Variants in GTF2B observed in about 807,000 individuals in gnomAD.
The protein encoded by GTF2B is transcription initiation factor IIB.
In GTF2B, 20 loss-of-function variants were observed where a neutral mutation model predicts 34.6. That is an observed-to-expected ratio of 0.58 (90% CI 0.41 to 0.84). The LOEUF (loss-of-function observed/expected upper bound fraction) is 0.84, where lower values mean the gene tolerates loss of function less well. GTF2B is among the 40% of genes least tolerant of loss of function. GTF2B has a pLI of 0.00. For missense variants in GTF2B, 237 were observed against 393.3 expected, an observed-to-expected ratio of 0.60 and a Z score of 3.36; for synonymous variants, 142 against 132.4, an observed-to-expected ratio of 1.07 and a Z score of -0.50.
chr1:88,879,915 G>A (rs1031368523), intron 2 of GTF2B, among the ~76,000 whole-genome samples: 4 of 151,852 alleles, frequency 2.6e-5, no homozygotes, highest in East Asian at 1.9e-4. Context: ...AAAATTAGCC[G>A]GGCGGGGTGG....
intron 5 of GTF2B, among the ~76,000 whole-genome samples, chr1:88,859,293 GC>G (rs1385982014): frequency 1.3e-5 from 2 of 152,214 alleles, no homozygotes; most frequent in East Asian, 3.9e-4. Flanking sequence ...CCTTCTGAAA[GC>G]CCACAAAGCA....
intron 5 of GTF2B, chr1:88,858,707 CTT>C: frequency 6.6e-6 from 1 of 152,146 alleles, no homozygotes; most frequent in East Asian, 1.9e-4. Context: ...TAAGTATAGT[CTT>C]CAGCTAAACT....
chr1:88,881,732 T>C (rs541043004), intron 2 of GTF2B, among the ~76,000 whole-genome samples: 2 of 151,804 alleles, frequency 1.3e-5, no homozygotes, highest in South Asian at 2.1e-4. Context: ...AATACTGTCA[T>C]ATATTATAGA....
chr1:88,856,223 G>GTGCCAC (rs994355582), intron 6 of GTF2B, among the ~76,000 whole-genome samples: 3 of 129,642 alleles, frequency 2.3e-5, no homozygotes, highest in African/African-American at 8.3e-5. Flanking sequence ...AGCTGAGATT[G>GTGCCAC]TGCCACTGTA....
At chr1:88,875,660 C>A (rs548262959) in intron 2 of GTF2B, among the ~76,000 whole-genome samples, 1 of 152,216 alleles carries the variant, frequency 6.6e-6, no homozygotes, top group East Asian at 1.9e-4. Flanking sequence ...ATGCTTCACT[C>A]GAAATTCAAC....
At chr1:88,882,281 G>C (rs2100978563) in intron 2 of GTF2B, among the ~76,000 whole-genome samples, 1 of 128,132 alleles carries the variant, frequency 7.8e-6, no homozygotes, top group East Asian at 2.5e-4. Flanking sequence ...CTGCACTCCA[G>C]CCTGGGGGAC....
intron 2 of GTF2B, among the ~76,000 whole-genome samples, chr1:88,868,583 G>A (rs1200103056): frequency 6.6e-6 from 1 of 152,174 alleles, no homozygotes; most frequent in Non-Finnish European, 1.5e-5. Context: ...ATATTCTGAA[G>A]AGAATACGAA....
intron 2 of GTF2B, among the ~76,000 whole-genome samples, chr1:88,866,189 C>G (rs1405308837): frequency 2.0e-5 from 3 of 151,878 alleles, no homozygotes; most frequent in Admixed American, 1.3e-4. Flanking sequence ...TGGTGAAACC[C>G]TGTCTCTACA....
intron 1 of GTF2B, among the ~76,000 whole-genome samples, chr1:88,889,150 T>C (rs1372861613): frequency 1.3e-5 from 2 of 152,182 alleles, no homozygotes; most frequent in Non-Finnish European, 2.9e-5. Flanking sequence ...ACCAAGAGAC[T>C]AGTAATTATG....
At chr1:88,866,426 T>C (rs112384022) in intron 2 of GTF2B, among the ~76,000 whole-genome samples, 1,688 of 152,278 alleles carry the variant, frequency 0.011, 33 homozygotes, top group African/African-American at 0.038. Flanking sequence ...TTCCTTTTTT[T>C]CAGACAGGGT....
At chr1:88,868,915 T>A (rs950458453) in intron 2 of GTF2B, among the ~76,000 whole-genome samples, 2 of 152,048 alleles carry the variant, frequency 1.3e-5, no homozygotes, top group Non-Finnish European at 2.9e-5. Flanking sequence ...TTTTTGTACT[T>A]TTTTTAGTGC....
chr1:88,888,312 C>G (rs546997139), intron 1 of GTF2B, among the ~76,000 whole-genome samples: 2 of 152,246 alleles, frequency 1.3e-5, no homozygotes, highest in Admixed American at 1.3e-4. Flanking sequence ...ACTCTCAACT[C>G]AGAAGGTGAT....
intron 1 of GTF2B, among the ~76,000 whole-genome samples, chr1:88,889,236 A>G (rs895965554): frequency 6.6e-6 from 1 of 152,202 alleles, no homozygotes; most frequent in Non-Finnish European, 1.5e-5. Flanking sequence ...AGTCTATTGC[A>G]ATTTTGCTTT....
At chr1:88,859,329 G>A (rs947415883) in intron 5 of GTF2B, among the ~76,000 whole-genome samples, 6 of 152,162 alleles carry the variant, frequency 3.9e-5, no homozygotes, top group African/African-American at 1.4e-4. Flanking sequence ...GATCTCACTA[G>A]AAAAGAACAT....
intron 1 of GTF2B, among the ~76,000 whole-genome samples, chr1:88,889,921 T>C (rs1674159621): frequency 6.6e-6 from 1 of 152,004 alleles, no homozygotes; most frequent in Non-Finnish European, 1.5e-5. Context: ...GTACCTATGG[T>C]CCCAGCTACT....
At position 88,860,012 on chromosome 1, in the gene GTF2B, C is replaced by G; in HGVS notation, c.406-1G>C. 1 of 1,613,484 alleles carries G rather than the reference C, an allele frequency of 6.2e-7. No individual in the cohort carries two copies. Among genetic ancestry groups the G allele is most frequent in the Non-Finnish European group, 8.5e-7 (1 of 1,179,626 alleles). ...GCTTGAATAAATTATTTGTTCGATC[C>G]TTCAAAGCAGAGAAACTAAGTTTAA... is the stretch of plus-strand genomic sequence containing the variant. On this transcript the variant is annotated splice_acceptor_variant, in intron 4 of 6. Transcript: ENST00000370500. LOFTEE classifies it high-confidence loss of function.
chr1:88,883,038 T>C (rs757037493), intron 2 of GTF2B, among the ~76,000 whole-genome samples: 1 of 152,240 alleles, frequency 6.6e-6, no homozygotes, highest in Non-Finnish European at 1.5e-5. Flanking sequence ...GAACATCCTA[T>C]TTTAACTTCT....
At chr1:88,891,457 C>A (rs1674207002) in intron 1 of GTF2B, 26 bp downstream of exon 1, 1 of 1,593,914 alleles carries the variant, frequency 6.3e-7, no homozygotes, top group South Asian at 1.1e-5. Flanking sequence ...CCCCTCAGCT[C>A]GCCGGGCTCG....
rs1673226725 is a variant in GTF2B at position 88,853,081 on chromosome 1, A to T, written c.*132T>A. On this transcript the variant is annotated 3_prime_UTR_variant, in exon 7 of 7. Transcript: ENST00000370500. ...GTATATACATACAGAATGCCAAGCA[A>T]TAGTATTCAGCCCTGGAATGCGTAC... 2 of 776,094 alleles carry T rather than the reference A, an allele frequency of 2.6e-6. No individual in the cohort carries two copies. The highest frequency in any genetic ancestry group is 2.9e-5 in the South Asian group (2 of 69,520). The allele number at this position is 776,094 out of a possible 1,614,324, so 48.1% of individuals were successfully genotyped here. A position where few individuals can be genotyped will look rare whatever the true frequency, so the allele number is the denominator to read the frequency against.
Sources: gnomAD v4.1 joint callset for allele counts (sites outside exome capture counted in the v4.1 genomes callset) on GRCh38, gnomAD v4.1.1 for gene constraint, MANE v1.5 for transcripts, NCBI Gene and HGNC (gene_info 2026-07-23, HGNC 2026-07-21) for gene names.